The following SLC23A2 variants were observed in gnomAD, a reference collection of about 807,000 sequenced individuals.
The protein encoded by SLC23A2 is Na(+)/L-ascorbic acid transporter 2.
SLC23A2 carries 36 observed loss-of-function variants against 73.3 expected under a neutral mutation model. The ratio of observed to expected loss-of-function variants is 0.49; its 90% CI spans 0.38 to 0.65. The LOEUF (loss-of-function observed/expected upper bound fraction) is 0.65, where lower values mean the gene tolerates loss of function less well. Among genes scored for constraint, SLC23A2 ranks in the 30% least tolerant of loss-of-function variants. SLC23A2 has a pLI of 0.00. For missense variants in SLC23A2, 507 were observed against 841.6 expected, an observed-to-expected ratio of 0.60 and a Z score of 4.92; for synonymous variants, 343 against 327.3, an observed-to-expected ratio of 1.05 and a Z score of -0.52.
chr20:4,965,719 C>A (rs547458673), intron 2 of SLC23A2, among the ~76,000 whole-genome samples: 92 of 151,914 alleles, frequency 6.1e-4, no homozygotes, highest in Admixed American at 3.8e-3. Context: ...GTAATCCCAG[C>A]ACTTTGGGAG....
intron 9 of SLC23A2, 60 bp from the exon 10 acceptor site, chr20:4,874,756 C>T (rs1930588883): frequency 2.1e-6 from 3 of 1,434,102 alleles, no homozygotes; most frequent in Non-Finnish European, 2.8e-6. Context: ...TATAAAATAA[C>T]ACTCGAAGCT....
intron 1 of SLC23A2, among the ~76,000 whole-genome samples, chr20:4,989,738 G>A (rs1038371469): frequency 7.2e-5 from 11 of 152,116 alleles, no homozygotes; most frequent in African/African-American, 2.4e-4. Flanking sequence ...GGTCAGGTGC[G>A]GAATTTTCCA....
At chr20:4,910,614 T>C (rs1600124356) in intron 4 of SLC23A2, among the ~76,000 whole-genome samples, 1 of 152,078 alleles carries the variant, frequency 6.6e-6, no homozygotes, top group Non-Finnish European at 1.5e-5. Context: ...TTTTGTGTCT[T>C]TAGTAGAGAC....
At chr20:4,887,206 A>C (rs1463484048) in intron 6 of SLC23A2, among the ~76,000 whole-genome samples, 1 of 152,220 alleles carries the variant, frequency 6.6e-6, no homozygotes, top group Non-Finnish European at 1.5e-5. Flanking sequence ...ATTACCTGCC[A>C]GAGGGGCCCA....
At position 4,980,144 on chromosome 20, in the gene SLC23A2, C is replaced by T. The variant is rs1600197455; in HGVS notation, c.-281-9225G>A. Among the ~76,000 whole-genome samples the T allele has an allele frequency of 2.0e-5, 3 of 152,304 alleles. No individual in the cohort carries two copies. The South Asian group carries it at 6.2e-4, about 32-fold the overall frequency. On this transcript the variant is annotated intron_variant, in intron 1 of 16. Coordinates refer to ENST00000338244, the MANE Select transcript of SLC23A2 (RefSeq NM_005116.6). ...AAAATGTTTTATTATGGCAATACTT[C>T]CCAGTGTGTTAACCTGAATGCAGGA...
intron 6 of SLC23A2, among the ~76,000 whole-genome samples, chr20:4,893,929 C>T (rs370206827): frequency 6.6e-6 from 1 of 152,076 alleles, no homozygotes; most frequent in Non-Finnish European, 1.5e-5. Context: ...AGTGTGGTGA[C>T]GGCGGGGCAG....
At chr20:4,893,044 G>A (rs1295016684) in intron 6 of SLC23A2, among the ~76,000 whole-genome samples, 1 of 151,880 alleles carries the variant, frequency 6.6e-6, no homozygotes, top group Non-Finnish European at 1.5e-5. Context: ...ATGTAGGGGT[G>A]AGCCATCATG....
intron 3 of SLC23A2, among the ~76,000 whole-genome samples, chr20:4,926,646 T>G (rs527902459): frequency 6.6e-6 from 1 of 152,198 alleles, no homozygotes; most frequent in South Asian, 2.1e-4. Flanking sequence ...GAAGATCTTT[T>G]GCTATGTTCC....
upstream of SLC23A2, among the ~76,000 whole-genome samples, chr20:5,002,326 A>G (rs1253975609): frequency 6.6e-6 from 1 of 152,212 alleles, no homozygotes; most frequent in African/African-American, 2.4e-5. Context: ...CCAAGTTCCC[A>G]GGTGATGCTG....
At chr20:4,961,385 CTATT>C (rs2087387777) in intron 2 of SLC23A2, among the ~76,000 whole-genome samples, 1 of 152,010 alleles carries the variant, frequency 6.6e-6, no homozygotes, top group African/African-American at 2.4e-5. Flanking sequence ...CCTGGCCTAT[CTATT>C]TTTTTAATTA....
chr20:4,943,357 G>A (rs1476716016), intron 2 of SLC23A2, among the ~76,000 whole-genome samples: 4 of 151,978 alleles, frequency 2.6e-5, no homozygotes, highest in African/African-American at 9.7e-5. Flanking sequence ...AGACTCACAT[G>A]GGAAGCTTAT....
At chr20:4,910,094 C>G (rs879876169) in intron 4 of SLC23A2, among the ~76,000 whole-genome samples, 1 of 151,464 alleles carries the variant, frequency 6.6e-6, no homozygotes, top group Non-Finnish European at 1.5e-5. Context: ...TACTTTTGGC[C>G]GGGTATGGTG....
chr20:4,877,715 G>C (rs1358575381), intron 9 of SLC23A2, among the ~76,000 whole-genome samples: 3 of 152,154 alleles, frequency 2.0e-5, no homozygotes. Context: ...AAAGTATACT[G>C]TTTTGGAGTG....
chr20:4,865,794 A>C (rs1930169981), intron 13 of SLC23A2, among the ~76,000 whole-genome samples: 1 of 152,146 alleles, frequency 6.6e-6, no homozygotes. Flanking sequence ...TGTAGCCTAC[A>C]CACATCCTCC....
intron 16 of SLC23A2, among the ~76,000 whole-genome samples, chr20:4,858,187 T>C (rs746898644): frequency 3.3e-5 from 5 of 152,156 alleles, no homozygotes; most frequent in African/African-American, 7.2e-5. Flanking sequence ...ACACAGGTCA[T>C]GTACCTGTTG....
chr20:4,876,223 G>T (rs1930649274), intron 9 of SLC23A2, among the ~76,000 whole-genome samples: 1 of 152,110 alleles, frequency 6.6e-6, no homozygotes. Flanking sequence ...CTACTTATTT[G>T]TTTCAGAGTG....
chr20:4,879,339 GTGGTGGT>G (rs1170003868), intron 9 of SLC23A2, among the ~76,000 whole-genome samples: 1 of 147,852 alleles, frequency 6.8e-6, no homozygotes, highest in Non-Finnish European at 1.5e-5. Context: ...CAGCCGGGAG[GTGGTGGT>G]TGCAGTAAGC....
chr20:4,929,879 G>T (rs907435235), intron 3 of SLC23A2, among the ~76,000 whole-genome samples: 3 of 152,170 alleles, frequency 2.0e-5, no homozygotes, highest in Admixed American at 2.0e-4. Flanking sequence ...TGGAAGGCTG[G>T]GCCGTATCAT....
At chr20:4,995,687 C>T (rs1359282714) in intron 1 of SLC23A2, among the ~76,000 whole-genome samples, 3 of 152,164 alleles carry the variant, frequency 2.0e-5, no homozygotes, top group East Asian at 1.9e-4. Context: ...AGTCTAACTT[C>T]GAGCTTGGCA....
Sources: allele counts gnomAD v4.1 joint callset (sites outside exome capture counted in the v4.1 genomes callset), GRCh38; gene constraint gnomAD v4.1.1; transcripts MANE v1.5; gene names NCBI Gene and HGNC (gene_info 2026-07-23, HGNC 2026-07-21).